The following DHX40 variants were observed in gnomAD, a reference collection of about 807,000 sequenced individuals.
DHX40 encodes probable ATP-dependent RNA helicase DHX40.
In DHX40, 28 loss-of-function variants were observed where a neutral mutation model predicts 89.6. That is an observed-to-expected ratio of 0.31 (90% CI 0.23 to 0.43). The LOEUF is 0.43. DHX40 is among the 20% of genes least tolerant of loss of function. DHX40 has a pLI of 1.00. For synonymous variants in DHX40, 226 were observed against 283.6 expected (o/e 0.80, Z 2.04); for missense variants, 457 against 844.0 (o/e 0.54, Z 5.68).
chr17:59,590,542 A>T (rs945135526), intron 12 of DHX40, among the ~76,000 whole-genome samples: 2 of 151,542 alleles, frequency 1.3e-5, no homozygotes, highest in African/African-American at 4.8e-5. Flanking sequence ...ATCTTGGCTC[A>T]TTGCAACCTC....
At chr17:59,569,942 G>A (rs2048769135) in intron 2 of DHX40, among the ~76,000 whole-genome samples, 1 of 144,318 alleles carries the variant, frequency 6.9e-6, no homozygotes, top group Admixed American at 7.3e-5. Flanking sequence ...TACTCGGGAG[G>A]CTGAGGCAGG....
rs370628170 is a variant in DHX40 at position 59,603,042 on chromosome 17, G to A, written c.1901+426G>A. Among the ~76,000 whole-genome samples, 34 of 152,230 alleles carry A rather than the reference G, an allele frequency of 2.2e-4. 1 individual carries two copies. The East Asian group carries it at 5.2e-3, about 23-fold the overall frequency. ...CATCAGTCAGAGTGTAGTGAGGAAG[G>A]CATCTTTATAGAGAAAGGGGTAACA... On this transcript the variant is annotated intron_variant, in intron 15 of 17. Coordinates refer to ENST00000251241, the MANE Select transcript of DHX40 (RefSeq NM_024612.5).
intron 12 of DHX40, among the ~76,000 whole-genome samples, chr17:59,591,305 CA>C (rs2049078706): frequency 6.7e-6 from 1 of 149,276 alleles, no homozygotes; most frequent in African/African-American, 2.5e-5. Context: ...ACTCCATCCC[CA>C]AAAAGAAAAA....
rs1367002415 is a variant in DHX40 at position 59,607,813 on chromosome 17, T to G, written c.*641T>G. The G allele has an allele frequency of 6.6e-6, 1 of 152,430 alleles. No individual in the cohort carries two copies. The highest frequency in any genetic ancestry group is 1.5e-5 in the Non-Finnish European group (1 of 68,190). 9.4% of individuals were successfully genotyped at this position (152,430 alleles called of 1,614,324 possible). On this transcript the variant is annotated 3_prime_UTR_variant, in exon 18 of 18. Transcript: ENST00000251241. ...ATTGATTTTTCTGGGATTATACAAA[T>G]TCCTTTTTATATAAAAGTATATTGT... is the stretch of plus-strand genomic sequence containing the variant.
chr17:59,574,749 T>G (rs987191848), intron 6 of DHX40, among the ~76,000 whole-genome samples: 19 of 151,830 alleles, frequency 1.3e-4, no homozygotes, highest in African/African-American at 3.4e-4. Flanking sequence ...TTCACCAGGT[T>G]CTTCTTTGGG....
At chr17:59,577,678 A>G (rs901084011) in intron 8 of DHX40, among the ~76,000 whole-genome samples, 2 of 151,806 alleles carry the variant, frequency 1.3e-5, no homozygotes, top group African/African-American at 2.4e-5. Flanking sequence ...ACAGCCTTGT[A>G]TGGAGATCAG....
At position 59,602,761 on chromosome 17, in the gene DHX40, A is replaced by T. The variant is rs190676740; in HGVS notation, c.1901+145A>T. On this transcript the variant is annotated intron_variant, in intron 15 of 17. Coordinates refer to ENST00000251241, the MANE Select transcript of DHX40 (RefSeq NM_024612.5). The stretch of plus-strand genomic sequence containing the variant: ...AATTACAGTGACGAGGGAGAGCTAC[A>T]GTGACGAGGGAGAGCTGCAGTGGCT... 4.0e-6 allele frequency: 3 copies of T among 748,902 alleles called. No individual in the cohort carries two copies. In the African/African-American group the frequency reaches 5.3e-5, roughly 13 times the overall value. The allele number at this position is 748,902 out of a possible 1,614,324, so 46.4% of individuals were successfully genotyped here.
chr17:59,573,409 A>G (rs900141371), intron 4 of DHX40, among the ~76,000 whole-genome samples, 174 bp downstream of exon 4: 8 of 152,064 alleles, frequency 5.3e-5, no homozygotes, highest in Non-Finnish European at 1.2e-4. Context: ...AGCTCACTGC[A>G]CCCTTGAACT....
At chr17:59,604,357 A>G (rs965488383) in intron 15 of DHX40, 4 of 152,136 alleles carry the variant, frequency 2.6e-5, no homozygotes, top group Non-Finnish European at 4.4e-5. Context: ...TATCTTGGTT[A>G]CCCTCTGTAT....
chr17:59,570,805 C>G lies in DHX40; in HGVS notation c.426+142C>G, dbSNP rs546791363. 2.7e-3 allele frequency: 2,047 copies of G among 746,268 alleles called. 7 individuals carry two copies. Among genetic ancestry groups the G allele is most frequent in the Non-Finnish European group, 3.6e-3 (1,842 of 507,852 alleles). The allele number at this position is 746,268 out of a possible 1,614,324, so 46.2% of individuals were successfully genotyped here. ...CTCAAGTGATCTCCTACCTCAGCCC[C>G]TTGGGTAGCTGGGACTACAGGAGCA... On this transcript the variant is annotated intron_variant, in intron 3 of 17. Transcript: ENST00000251241.
chr17:59,591,967 C>T (rs2049090127), intron 12 of DHX40, among the ~76,000 whole-genome samples: 1 of 151,788 alleles, frequency 6.6e-6, no homozygotes, highest in African/African-American at 2.4e-5. Context: ...CTCCCGGGCT[C>T]AAGCAATTCT....
intron 2 of DHX40, among the ~76,000 whole-genome samples, chr17:59,567,655 A>G (rs891666662): frequency 6.6e-6 from 1 of 152,110 alleles, no homozygotes; most frequent in Non-Finnish European, 1.5e-5. Flanking sequence ...GGCTGGGCAC[A>G]GTGGCTCACG....
Position 59,607,491 on chromosome 17 carries a change from A to G in DHX40, c.*319A>G, listed in dbSNP as rs549636456. On this transcript the variant is annotated 3_prime_UTR_variant, in exon 18 of 18. Coordinates refer to ENST00000251241, the MANE Select transcript of DHX40 (RefSeq NM_024612.5). The stretch of plus-strand genomic sequence containing the variant: ...AAACGCTGTCATTGAGATGTTTTCA[A>G]AGAACATTGAGTTGTATTTAATCAG... 4.2e-5 allele frequency: 24 copies of G among 575,948 alleles called. No individual in the cohort carries two copies. In the African/African-American group the frequency reaches 4.3e-4, roughly 10 times the overall value. The allele number at this position is 575,948 out of a possible 1,614,324, so 35.7% of individuals were successfully genotyped here. A position where few individuals can be genotyped will look rare whatever the true frequency, so the allele number is the denominator to read the frequency against.
intron 3 of DHX40, among the ~76,000 whole-genome samples, chr17:59,571,675 C>G (rs1239189888): frequency 6.6e-6 from 1 of 151,708 alleles, no homozygotes; most frequent in East Asian, 2.0e-4. Flanking sequence ...CCTGCAACCT[C>G]TGCCTCCCAG....
rs1567885979 is a variant in DHX40 at position 59,592,147 on chromosome 17, A to AGTG, written c.1582+4095_1582+4096insTGG. 6.6e-5 allele frequency among the ~76,000 whole-genome samples: 10 copies of AGTG among 151,856 alleles called. No homozygotes were observed. In the South Asian group the frequency reaches 2.1e-3, roughly 32 times the overall value. ...TGGTCTCCCAAAGTGCTGGGTTTACAGGTGTAAGCCACTATGCCCGGCCTA... is the reference window on the plus strand; with the variant it reads ...TGGTCTCCCAAAGTGCTGGGTTTACAGTGGGTGTAAGCCACTATGCCCGGCCTA... On this transcript the variant is annotated intron_variant, in intron 12 of 17. Coordinates refer to ENST00000251241, the MANE Select transcript of DHX40 (RefSeq NM_024612.5).
At chr17:59,598,974 A>C (rs1466696361) in intron 13 of DHX40, 123 bp downstream of exon 13, 1 of 595,342 alleles carries the variant, frequency 1.7e-6, no homozygotes, top group Non-Finnish European at 3.1e-6. Flanking sequence ...AGGTATTTTG[A>C]ATTTCAGTGA....
rs577128376 is a variant in DHX40 at position 59,589,320 on chromosome 17, C to T, written c.1582+1267C>T. Among the ~76,000 whole-genome samples the T allele has an allele frequency of 1.1e-4, 16 of 140,054 alleles. No individual in the cohort carries two copies. In the South Asian group the frequency reaches 1.3e-3, roughly 12 times the overall value. 91.9% of individuals were successfully genotyped at this position (140,054 alleles called of 152,430 possible). ...CACTACAAGCTCTGCCTCCCAGATT[C>T]GTGCCGTTCTCTCGCCTCAGCCTCC... On this transcript the variant is annotated intron_variant, in intron 12 of 17. Coordinates refer to ENST00000251241, the MANE Select transcript of DHX40 (RefSeq NM_024612.5).
rs369677422 is a variant in DHX40 at position 59,565,635 on chromosome 17, T to A, written c.-37T>A. On this transcript the variant is annotated 5_prime_UTR_variant, in exon 1 of 18. Coordinates refer to ENST00000251241, the MANE Select transcript of DHX40 (RefSeq NM_024612.5). The stretch of plus-strand genomic sequence containing the variant: ...GTCTTTCCCCTCCCATCTCCTCAGA[T>A]CGGTGGACGTGCTCGCCTCCACTCG... The A allele has an allele frequency of 6.4e-7, 1 of 1,572,776 alleles. No individual in the cohort carries two copies.
rs763889511 is a variant in DHX40 at position 59,605,650 on chromosome 17, A to T, written c.2176A>T (p.Lys726Ter). ...REDARRRWTNKENVKQLKDGI... is the reference protein window; with the variant it reads ...REDARRRWTN Reference sequence around the variant, plus strand: ...AGATGCAAGAAGGAGATGGACAAATAAGGAAAATGTAAAGCAGCTAAAGGG... The same window carrying T: ...AGATGCAAGAAGGAGATGGACAAATTAGGAAAATGTAAAGCAGCTAAAGGG... Residue 726 changes from lysine to a stop codon, truncating the protein, a stop_gained, in exon 17 of 18, where the codon AAG (lysine) becomes TAG (stop). Transcript: ENST00000251241. LOFTEE classifies it high-confidence loss of function. The T allele has an allele frequency of 6.2e-7, 1 of 1,613,020 alleles. No individual in the cohort carries two copies.
Sources: gnomAD v4.1 joint callset for allele counts (sites outside exome capture counted in the v4.1 genomes callset) on GRCh38, gnomAD v4.1.1 for gene constraint, MANE v1.5 for transcripts, NCBI Gene and HGNC (gene_info 2026-07-23, HGNC 2026-07-21) for gene names.